IL6ST: variants seen among roughly 807,000 people sequenced by gnomAD.
IL6ST encodes the protein interleukin 6 cytokine family signal transducer, also known as interleukin-6 receptor subunit beta.
A neutral mutation model predicts 91.3 loss-of-function variants in IL6ST; 24 were observed. The observed-to-expected ratio is 0.26, with a 90% confidence interval of 0.19 to 0.37. IL6ST has a LOEUF of 0.37. Among genes scored for constraint, IL6ST ranks in the 10% least tolerant of loss-of-function variants. The probability of loss-of-function intolerance (pLI) is 1.00; values close to 1 mark genes in which losing one functional copy is unlikely to be tolerated. For synonymous variants in IL6ST, 351 were observed against 373.6 expected (o/e 0.94, Z 0.70); for missense variants, 914 against 1,078.5 (o/e 0.85, Z 2.14).
chr5:55,954,742 G>T, intron 11 of IL6ST, 68 bp downstream of exon 11: 2 of 1,240,018 alleles, frequency 1.6e-6, no homozygotes, highest in Non-Finnish European at 2.3e-6. Flanking sequence ...AACACTATAA[G>T]CAAAAGAAAA....
rs926715297 is a variant in IL6ST, at chr5:55,936,415, T to C, written c.*4667A>G. ...ACGATTTCAGACCTCAGCTATTAAA[T>C]AGTAAATCTGGAAAACTAGTGGATA... On this transcript the variant is annotated 3_prime_UTR_variant, in exon 17 of 17. Coordinates refer to ENST00000381298, the MANE Select transcript of IL6ST (RefSeq NM_002184.4). The C allele has an allele frequency of 3.3e-5, 7 of 208,958 alleles. No individual in the cohort carries two copies. Among genetic ancestry groups the C allele is most frequent in the East Asian group, 7.1e-5 (1 of 14,016 alleles). The allele number at this position is 208,958 out of a possible 1,614,324, so 12.9% of individuals were successfully genotyped here.
chr5:55,990,561 T>C (rs1379844114), intron 1 of IL6ST, among the ~76,000 whole-genome samples: 1 of 152,222 alleles, frequency 6.6e-6, no homozygotes, highest in African/African-American at 2.4e-5. Flanking sequence ...TTTGAAGACA[T>C]GACTTCAACT....
chr5:55,980,386 C>T (rs563871823), intron 2 of IL6ST, among the ~76,000 whole-genome samples: 6 of 152,200 alleles, frequency 3.9e-5, no homozygotes, highest in African/African-American at 1.4e-4. Flanking sequence ...CCCGTCCATA[C>T]TAAAAATACA....
rs182557594 is a variant in IL6ST, at chr5:55,944,256, A to C, written c.1938-1505T>G. On this transcript the variant is annotated intron_variant, in intron 15 of 16. Coordinates refer to ENST00000381298, the MANE Select transcript of IL6ST (RefSeq NM_002184.4). ...GTGCATTAAGACAATAAAAAGAACT[A>C]AAAGCATAAAGATTAGAACAACTAT... is the stretch of plus-strand genomic sequence containing the variant. Among the ~76,000 whole-genome samples the C allele has an allele frequency of 2.5e-3, 381 of 152,334 alleles. 2 individuals are homozygous for C. The highest frequency in any genetic ancestry group is 8.8e-3 in the African/African-American group (365 of 41,568).
intron 10 of IL6ST, 135 bp from the exon 11 acceptor site, chr5:55,955,127 A>G (rs1325629832): frequency 3.1e-6 from 2 of 639,530 alleles, no homozygotes; most frequent in Non-Finnish European, 5.2e-6. Flanking sequence ...GCACTTTATT[A>G]TAACTTACAG....
At chr5:55,942,466 C>T (rs768715730) in intron 16 of IL6ST, among the ~76,000 whole-genome samples, 2 of 151,980 alleles carry the variant, frequency 1.3e-5, no homozygotes, top group African/African-American at 2.4e-5. Flanking sequence ...GTGATAAAAC[C>T]CCTAAAATAT....
rs535616300 is a variant in IL6ST at position 55,952,052 on chromosome 5, G to A, written c.1576C>T (p.Arg526Trp). 15 of 1,613,074 alleles carry A rather than the reference G, an allele frequency of 9.3e-6. No individual in the cohort carries two copies. Among genetic ancestry groups the A allele is most frequent in the Admixed American group, 1.7e-5 (1 of 59,902 alleles). ...TCGTTTTTCCCTACTTTTTTTGTCC[G>A]AACAGTAGGTCCTTTGGAAGGTGCT... ...QAPPSKGPTV[R>W]TKKVGKNEAV... The change falls in exon 13 of 17, where the codon CGG becomes TGG. Residue 526 changes from arginine to tryptophan, a missense_variant. Physicochemically the swap from Arg to Trp is moderately radical, Grantham distance 101. Coordinates refer to ENST00000381298, the MANE Select transcript of IL6ST (RefSeq NM_002184.4).
At chr5:55,986,250 G>A (rs1245876990) in intron 1 of IL6ST, among the ~76,000 whole-genome samples, 1 of 152,156 alleles carries the variant, frequency 6.6e-6, no homozygotes, top group Non-Finnish European at 1.5e-5. Context: ...ACTTCTCCTT[G>A]CAGTTTTTAC....
Position 55,941,156 on chromosome 5 carries a change from C to T in IL6ST, c.2683G>A (p.Ala895Thr), listed in dbSNP as rs368396144. 1.9e-6 allele frequency: 3 copies of T among 1,614,054 alleles called. No individual in the cohort carries two copies. Among genetic ancestry groups the T allele is most frequent in the Admixed American group, 3.3e-5 (2 of 60,020 alleles). The part of the protein sequence containing the change: ...VERFETVGME[A>T]ATDEGMPKSY... ...TTAGGCATGCCTTCATCAGTCGCAG[C>T]CTCCATGCCAACTGTTTCAAATCTT... Residue 895 changes from alanine to threonine, a missense_variant, in exon 17 of 17, where the codon GCT becomes ACT. Coordinates refer to ENST00000381298, the MANE Select transcript of IL6ST (RefSeq NM_002184.4).
Position 55,941,641 on chromosome 5 carries a change from C to T in IL6ST, c.2198G>A (p.Cys733Tyr), listed in dbSNP as rs1342993567. 1 of 1,614,008 alleles carries T rather than the reference C, an allele frequency of 6.2e-7. No individual in the cohort carries two copies. The highest frequency in any genetic ancestry group is 2.2e-5 in the East Asian group (1 of 44,896). Residue 733 changes from cysteine (C) to tyrosine (Y), a missense_variant, in exon 17 of 17, where the codon TGC becomes TAC. By Grantham distance (194) the Cys-to-Tyr change is radical (BLOSUM62 -2). Transcript: ENST00000381298. Reference protein sequence around the residue: ...GHSSGIGGSSCMSSSRPSISS... With the variant: ...GHSSGIGGSSYMSSSRPSISS... ...AATGCTTGGCCTAGAAGATGACATGCATGAAGACCCCCCAATACCACTGCT... is the reference window on the plus strand; with the variant it reads ...AATGCTTGGCCTAGAAGATGACATGTATGAAGACCCCCCAATACCACTGCT...
chr5:55,985,376 G>C (rs1359820387), intron 1 of IL6ST, among the ~76,000 whole-genome samples: 1 of 152,062 alleles, frequency 6.6e-6, no homozygotes, highest in African/African-American at 2.4e-5. Context: ...AATTAGCCGG[G>C]TGTGGTGGTG....
chr5:55,986,339 T>C (rs1212453407), intron 1 of IL6ST, among the ~76,000 whole-genome samples: 4 of 152,248 alleles, frequency 2.6e-5, no homozygotes, highest in Admixed American at 6.5e-5. Flanking sequence ...AATGCCCTTC[T>C]TTACCACTGG....
chr5:55,972,659 T>C (rs1257713384), intron 3 of IL6ST, among the ~76,000 whole-genome samples: 1 of 152,152 alleles, frequency 6.6e-6, no homozygotes, highest in Non-Finnish European at 1.5e-5. Context: ...AGGTATCTGA[T>C]AAAGTTATTT....
chr5:55,980,080 C>G (rs575356236), intron 2 of IL6ST, among the ~76,000 whole-genome samples: 2 of 152,116 alleles, frequency 1.3e-5, no homozygotes, highest in Non-Finnish European at 2.9e-5. Context: ...AACACACATT[C>G]GTTTTTTTAT....
chr5:55,981,177 C>T (rs142106592), intron 2 of IL6ST, among the ~76,000 whole-genome samples: 107 of 152,300 alleles, frequency 7.0e-4, no homozygotes, highest in African/African-American at 2.4e-3. Context: ...CCACATTTCA[C>T]ATTTAGAAAG....
intron 5 of IL6ST, among the ~76,000 whole-genome samples, chr5:55,964,680 TAGA>T (rs1356985696): frequency 1.3e-5 from 2 of 152,136 alleles, no homozygotes; most frequent in African/African-American, 4.8e-5. Context: ...CACAATATGC[TAGA>T]AGGTGACAGG....
intron 1 of IL6ST, among the ~76,000 whole-genome samples, chr5:55,992,774 C>G (rs758899380): frequency 1.8e-4 from 27 of 152,154 alleles, no homozygotes; most frequent in Non-Finnish European, 2.9e-5. Context: ...TTGCTCATTC[C>G]AATCCTTAAA....
intron 10 of IL6ST, among the ~76,000 whole-genome samples, chr5:55,955,650 T>C (rs1751907580): frequency 6.6e-6 from 1 of 151,318 alleles, no homozygotes; most frequent in Admixed American, 6.6e-5. Context: ...TAGCTTACTG[T>C]GAAGTTTAAG....
rs540126814 is a variant in IL6ST, at chr5:55,966,252, A to T, written c.492-1940T>A. On this transcript the variant is annotated intron_variant, in intron 5 of 16. Transcript: ENST00000381298. The stretch of plus-strand genomic sequence containing the variant: ...TGTTGAGTTATAAAACTTTTCACAG[A>T]AGAGTATATACTATATAATCCCATT... 2.0e-5 allele frequency among the ~76,000 whole-genome samples: 3 copies of T among 152,366 alleles called. No individual in the cohort carries two copies. The South Asian group carries it at 6.2e-4, about 32-fold the overall frequency.
Sources: allele counts gnomAD v4.1 joint callset (sites outside exome capture counted in the v4.1 genomes callset), GRCh38; gene constraint gnomAD v4.1.1; transcripts MANE v1.5; gene names NCBI Gene and HGNC (gene_info 2026-07-23, HGNC 2026-07-21).